Variants in PHACTR3 observed in about 807,000 individuals in gnomAD.
PHACTR3 encodes the protein phosphatase and actin regulator 3.
PHACTR3 carries 16 observed loss-of-function variants against 66.8 expected under a neutral mutation model. The observed-to-expected ratio is 0.24, with a 90% CI of 0.16 to 0.36. The LOEUF (loss-of-function observed/expected upper bound fraction) is 0.36. Among genes scored for constraint, PHACTR3 ranks in the 10% least tolerant of loss-of-function variants. The probability of loss-of-function intolerance (pLI) is 1.00; values close to 1 mark genes in which losing one functional copy is unlikely to be tolerated. For synonymous variants in PHACTR3, 323 were observed against 292.1 expected (o/e 1.11, Z -1.08); for missense variants, 647 against 719.9 (o/e 0.90, Z 1.16).
intron 1 of PHACTR3, among the ~76,000 whole-genome samples, chr20:59,682,732 G>A (rs1212902912): frequency 6.6e-6 from 1 of 152,184 alleles, no homozygotes; most frequent in Non-Finnish European, 1.5e-5. Flanking sequence ...AGAGCCTTTG[G>A]GGCAAAGGGA....
chr20:59,638,787 G>T (rs1320876242), intron 1 of PHACTR3, among the ~76,000 whole-genome samples: 1 of 85,506 alleles, frequency 1.2e-5, no homozygotes, highest in African/African-American at 4.6e-5. Context: ...TGGATAAATG[G>T]AGATGGATAG....
chr20:59,727,155 A>T (rs1400037886), intron 1 of PHACTR3, among the ~76,000 whole-genome samples: 1 of 152,076 alleles, frequency 6.6e-6, no homozygotes, highest in Non-Finnish European at 1.5e-5. Context: ...TGTGCTGAAC[A>T]TTTCATGTAA....
intron 1 of PHACTR3, among the ~76,000 whole-genome samples, chr20:59,726,016 C>T (rs2038549009): frequency 6.6e-6 from 1 of 152,220 alleles, no homozygotes; most frequent in Non-Finnish European, 1.5e-5. Context: ...CCTTCCAGAA[C>T]AGGGTGTACC....
upstream of PHACTR3, among the ~76,000 whole-genome samples, chr20:59,600,163 C>T (rs947353686): frequency 6.6e-6 from 1 of 152,200 alleles, no homozygotes; most frequent in Non-Finnish European, 1.5e-5. Flanking sequence ...GCCCTTCCTC[C>T]CTTGCATGTC....
At chr20:59,803,442 GA>G (rs576242896) in intron 7 of PHACTR3, among the ~76,000 whole-genome samples, 107 of 151,640 alleles carry the variant, frequency 7.1e-4, no homozygotes, top group Non-Finnish European at 1.3e-3. Context: ...TTTTTATAAG[GA>G]AACTATATAA....
chr20:59,612,421 C>T (rs894489752), intron 1 of PHACTR3, among the ~76,000 whole-genome samples: 14 of 151,476 alleles, frequency 9.2e-5, no homozygotes, highest in Non-Finnish European at 1.5e-4. Flanking sequence ...AGTGCAGTGA[C>T]GCCATCTCGG....
At chr20:59,720,682 C>T (rs1316907237) in intron 1 of PHACTR3, among the ~76,000 whole-genome samples, 1 of 152,182 alleles carries the variant, frequency 6.6e-6, no homozygotes, top group Non-Finnish European at 1.5e-5. Context: ...GTTTGCCGTG[C>T]ATTTTTTTTC....
rs76312550 is a variant in PHACTR3 at position 59,772,243 on chromosome 20, A to G, written c.752-1036A>G. On this transcript the variant is annotated intron_variant, in intron 5 of 12. Coordinates refer to ENST00000371015, the MANE Select transcript of PHACTR3 (RefSeq NM_080672.5). The stretch of plus-strand genomic sequence containing the variant: ...ACATGCAGGAGACTGTCATTGATGG[A>G]AGGAGGGGGTGTCCCACTCATTTAG... Among the ~76,000 whole-genome samples, 1,399 of 152,296 alleles carry G rather than the reference A, an allele frequency of 9.2e-3. 16 individuals carry two copies. Among genetic ancestry groups the G allele is most frequent in the African/African-American group, 0.03 (1,237 of 41,562 alleles).
intron 1 of PHACTR3, among the ~76,000 whole-genome samples, chr20:59,640,980 A>G (rs1345033387): frequency 1.3e-5 from 2 of 152,146 alleles, no homozygotes; most frequent in African/African-American, 4.8e-5. Context: ...ATATATATGC[A>G]CATCTATATA....
intron 1 of PHACTR3, among the ~76,000 whole-genome samples, chr20:59,647,022 G>A (rs2035303676): frequency 6.6e-6 from 1 of 152,224 alleles, no homozygotes; most frequent in Non-Finnish European, 1.5e-5. Context: ...CAGTCGGGCA[G>A]ATCAGCTTGG....
intron 3 of PHACTR3, among the ~76,000 whole-genome samples, chr20:59,753,481 G>A (rs561907871): frequency 3.9e-5 from 6 of 152,288 alleles, no homozygotes; most frequent in African/African-American, 1.2e-4. Flanking sequence ...AGGGAGAAAC[G>A]GTTCTGTCCT....
chr20:59,659,427 C>T (rs1044829227), intron 1 of PHACTR3, among the ~76,000 whole-genome samples: 1 of 138,412 alleles, frequency 7.2e-6, no homozygotes, highest in Non-Finnish European at 1.5e-5. Context: ...GGCTGGAGTC[C>T]AGTTGTGCAA....
intron 1 of PHACTR3, among the ~76,000 whole-genome samples, chr20:59,691,200 G>A (rs968848357): frequency 6.6e-5 from 10 of 152,170 alleles, no homozygotes; most frequent in African/African-American, 1.7e-4. Context: ...ATGTGGCCTC[G>A]GGTGTCCTGG....
Position 59,718,247 on chromosome 20 carries a change from ACACAGTACCCAGAGCCAC to A in PHACTR3, c.119-24857_119-24840del, listed in dbSNP as rs550753913. Among the ~76,000 whole-genome samples, 274 of 152,300 alleles carry A rather than the reference ACACAGTACCCAGAGCCAC, an allele frequency of 1.8e-3. 1 individual carries two copies. Among genetic ancestry groups the A allele is most frequent in the African/African-American group, 6.4e-3 (266 of 41,570 alleles). ...GAGAATGACAACTTCTTAAGTTGCCACACAGTACCCAGAGCCACCAGTTCCTCTCCTGGTTGCTGTGTG... is the reference window on the plus strand; with the variant it reads ...GAGAATGACAACTTCTTAAGTTGCCACAGTTCCTCTCCTGGTTGCTGTGTG... On this transcript the variant is annotated intron_variant, in intron 1 of 12. Transcript: ENST00000371015.
chr20:59,817,494 G>A (rs556397140), intron 8 of PHACTR3, among the ~76,000 whole-genome samples: 9 of 152,378 alleles, frequency 5.9e-5, no homozygotes, highest in African/African-American at 2.2e-4. Flanking sequence ...AAGCTTTATC[G>A]GAATGAGTAA....
intron 1 of PHACTR3, among the ~76,000 whole-genome samples, chr20:59,642,329 G>A (rs1290734101): frequency 6.7e-6 from 1 of 148,860 alleles, no homozygotes; most frequent in Admixed American, 6.7e-5. Flanking sequence ...TTTTTTTTCT[G>A]ATTAGAACAA....
chr20:59,581,690 G>A (rs932431977), intron 1 of PHACTR3, among the ~76,000 whole-genome samples: 2 of 151,790 alleles, frequency 1.3e-5, no homozygotes, highest in African/African-American at 2.4e-5. Context: ...GACCATCCTG[G>A]CTAACACGGT....
intron 1 of PHACTR3, 27 bp downstream of exon 1, chr20:59,605,159 C>CGGGGGGGG: frequency 4.0e-6 from 1 of 247,606 alleles, no homozygotes. Context: ...GGGCGGCGGG[C>CGGGGGGGG]GGGTCGGGGA....
intron 1 of PHACTR3, among the ~76,000 whole-genome samples, chr20:59,592,159 C>A (rs1212770212): frequency 5.3e-5 from 8 of 152,154 alleles, no homozygotes. Context: ...GTCTTCCAAG[C>A]AGAACCCATC....
Sources: gnomAD v4.1 joint callset for allele counts (sites outside exome capture counted in the v4.1 genomes callset) on GRCh38, gnomAD v4.1.1 for gene constraint, MANE v1.5 for transcripts, NCBI Gene and HGNC (gene_info 2026-07-23, HGNC 2026-07-21) for gene names.